Variants in SLC27A3 observed in about 807,000 individuals in gnomAD.
SLC27A3 encodes long-chain fatty acid transport protein 3.
Under a neutral mutation model 60.1 loss-of-function variants are expected in SLC27A3, and 60 were observed. That is an observed-to-expected ratio of 1.00 (90% CI 0.81 to 1.24). The LOEUF (loss-of-function observed/expected upper bound fraction) is 1.24, where lower values mean the gene tolerates loss of function less well. SLC27A3 is among the 50% of genes most tolerant of loss of function. The probability of loss-of-function intolerance (pLI) is 0.00; values close to 1 mark genes in which losing one functional copy is unlikely to be tolerated. For missense variants in SLC27A3, 1,079 were observed against 929.9 expected (o/e 1.16, Z -2.09); for synonymous variants, 455 against 409.0 (o/e 1.11, Z -1.36).
Position 153,779,399 on chromosome 1 carries a change from G to A in SLC27A3, c.1801G>A (p.Asp601Asn), listed in dbSNP as rs752284200. The A allele has an allele frequency of 2.5e-6, 4 of 1,613,814 alleles. No homozygotes were observed. The South Asian group carries it at 3.3e-5, about 13-fold the overall frequency. Residue 601 changes from aspartate to asparagine, a missense_variant, in exon 9 of 10, where the codon GAC becomes AAC. Transcript: ENST00000624995. ...AGTTCTGCGTCCCCCCCACGCTTTG[G>A]ACCTTATGCAGCTCTACACCCACGT... ...ALVLRPPHAL[D>N]LMQLYTHVSE...
Position 153,778,772 on chromosome 1 carries a change from G to A in SLC27A3, c.1533G>A (p.Lys511=). ...YAGGPELAQG[K]LLKDVFRPGD... The stretch of plus-strand genomic sequence containing the variant: ...GCGGGCCAGAGCTGGCCCAGGGGAA[G>A]TTGCTAAAGGATGTCTTCCGGCCTG... Residue 511 remains lysine (K), a synonymous_variant, in exon 7 of 10, where the codon AAG becomes AAA. Transcript: ENST00000624995. 5 of 1,614,084 alleles carry A rather than the reference G, an allele frequency of 3.1e-6. No individual in the cohort carries two copies. Among genetic ancestry groups the A allele is most frequent in the Non-Finnish European group, 4.2e-6 (5 of 1,180,014 alleles).
In SLC27A3 at chr1:153,777,166, C is replaced by T. The variant is rs747842753; in HGVS notation, c.982C>T (p.Pro328Ser). ...HQEDVIYLAL[P>S]LYHMSGSLLG... ...GGAAGATGTGATCTACCTCGCCCTCCCACTCTACCACATGTCCGGTTCCCT... is the reference window on the plus strand; with the variant it reads ...GGAAGATGTGATCTACCTCGCCCTCTCACTCTACCACATGTCCGGTTCCCT... The change falls in exon 3 of 10, where the codon CCA becomes TCA. Residue 328 changes from proline to serine, a missense_variant. Pro to Ser is a moderately conservative substitution (Grantham distance 74, BLOSUM62 -1). Coordinates refer to ENST00000624995, the MANE Select transcript of SLC27A3 (RefSeq NM_024330.4). The T allele has an allele frequency of 7.4e-6, 12 of 1,614,260 alleles. No individual in the cohort carries two copies. The highest frequency in any genetic ancestry group is 1.0e-5 in the Non-Finnish European group (12 of 1,180,044).
Position 153,776,116 on chromosome 1 carries a change from C to A in SLC27A3, c.619C>A (p.Leu207Met). 6.8e-7 allele frequency: 1 copy of A among 1,468,362 alleles called. No individual in the cohort carries two copies. The allele number at this position is 1,468,362 out of a possible 1,614,324, so 91.0% of individuals were successfully genotyped here. Residue 207 changes from leucine to methionine, a missense_variant, in exon 1 of 10, where the codon CTG (leucine) becomes ATG (methionine). Leu to Met is a conservative substitution (Grantham distance 15). Coordinates refer to ENST00000624995, the MANE Select transcript of SLC27A3 (RefSeq NM_024330.4). ...CACCGCCCTGCGCCGGGGCCCCCTG[C>A]TGCACTGCCTCCGCAGCTGCGGCGC... The part of the protein sequence containing the change: ...VPTALRRGPL[L>M]HCLRSCGARA...
chr1:153,778,066 G>A, intron 4 of SLC27A3, 95 bp from the exon 5 acceptor site: 2 of 1,500,176 alleles, frequency 1.3e-6, no homozygotes, highest in Non-Finnish European at 1.8e-6. Flanking sequence ...GGAGGTCACA[G>A]TAGGAGGGGG....
Position 153,775,521 on chromosome 1 carries a change from C to CTTGCTGCTGTTGCTACCG in SLC27A3, c.24_25insTTGCTGCTGTTGCTACCG (p.Leu13_Leu18dup), listed in dbSNP as rs751019848. On this transcript the variant is annotated inframe_insertion, in exon 1 of 10. Transcript: ENST00000624995. ...CCATGGCTGCCCTCCTGCTGCTGCC[C>CTTGCTGCTGTTGCTACCG]CTGCTGCTGTTGCTACCGCTGCTGC... 6.2e-7 allele frequency: 1 copy of CTTGCTGCTGTTGCTACCG among 1,612,534 alleles called. No homozygotes were observed. Among genetic ancestry groups the CTTGCTGCTGTTGCTACCG allele is most frequent in the Non-Finnish European group, 8.5e-7 (1 of 1,179,706 alleles).
chr1:153,778,044 A>G, intron 4 of SLC27A3, 117 bp from the exon 5 acceptor site: 1 of 1,465,848 alleles, frequency 6.8e-7, no homozygotes, highest in East Asian at 2.3e-5. Context: ...TCTGATGCTT[A>G]CGGCCTCTGA....
Position 153,775,612 on chromosome 1 carries a change from G to T in SLC27A3, c.115G>T (p.Ala39Ser). ...LPADLAFAVRALCCKRALRAR... is the reference protein window; with the variant it reads ...LPADLAFAVRSLCCKRALRAR... Reference sequence around the variant, plus strand: ...GGCGGACTTGGCCTTTGCGGTGCGAGCTCTGTGCTGCAAAAGGGCTCTTCG... The same window carrying T: ...GGCGGACTTGGCCTTTGCGGTGCGATCTCTGTGCTGCAAAAGGGCTCTTCG... The change falls in exon 1 of 10, where the codon GCT becomes TCT. Residue 39 changes from alanine (A) to serine (S), a missense_variant. Coordinates refer to ENST00000624995, the MANE Select transcript of SLC27A3 (RefSeq NM_024330.4). 1 of 1,583,920 alleles carries T rather than the reference G, an allele frequency of 6.3e-7. No homozygotes were observed.
In SLC27A3 at chr1:153,775,878, TGGAGAAGGCGAGCGGGCAGCGCC is replaced by T; in HGVS notation, c.384_406del (p.Glu129SerfsTer119). On this transcript the variant is annotated frameshift_variant, in exon 1 of 10. Transcript: ENST00000624995. LOFTEE classifies it high-confidence loss of function. ...GCGGCGACAGCGGCGAGGGGAGCGC[TGGAGAAGGCGAGCGGGCAGCGCC>T]GGGAGCCGGAGATGCAGCGGCCGGA... 1 of 1,488,982 alleles carries T rather than the reference TGGAGAAGGCGAGCGGGCAGCGCC, an allele frequency of 6.7e-7. No individual in the cohort carries two copies. The highest frequency in any genetic ancestry group is 8.9e-7 in the Non-Finnish European group (1 of 1,125,678). 92.2% of individuals were successfully genotyped at this position (1,488,982 alleles called of 1,614,324 possible).
rs1673383045 is a variant in SLC27A3, at chr1:153,778,924, ATC to A, written c.1646+43_1646+44del. 1.9e-6 allele frequency: 3 copies of A among 1,592,312 alleles called. No homozygotes were observed. The African/African-American group carries it at 4.0e-5, about 21-fold the overall frequency. Reference sequence around the variant, plus strand: ...ACTGGTTTTTCATCCTGGACATCTGATCTCTGTGATCCAAAGCTTCTGAACCT... The same window carrying A: ...ACTGGTTTTTCATCCTGGACATCTGATCTGTGATCCAAAGCTTCTGAACCT... On this transcript the variant is annotated intron_variant, in intron 7 of 9. Transcript: ENST00000624995.
At chr1:153,779,080 T>G (rs1222142797) in intron 7 of SLC27A3, 34 bp from the exon 8 acceptor site, 1 of 1,608,396 alleles carries the variant, frequency 6.2e-7, no homozygotes, top group Non-Finnish European at 8.5e-7. Flanking sequence ...CCCTGACCCC[T>G]GACTCCCAGT....
At chr1:153,778,071 AG>A in intron 4 of SLC27A3, 89 bp from the exon 5 acceptor site, 2 of 1,507,592 alleles carry the variant, frequency 1.3e-6, no homozygotes, top group East Asian at 2.3e-5. Context: ...TCACAGTAGG[AG>A]GGGGTTCTGG....
In SLC27A3 at chr1:153,777,763, G is replaced by C; in HGVS notation, c.1039G>C (p.Ala347Pro). 1.2e-6 allele frequency: 2 copies of C among 1,614,168 alleles called. No homozygotes were observed. The highest frequency in any genetic ancestry group is 1.7e-6 in the Non-Finnish European group (2 of 1,180,026). The change falls in exon 4 of 10, where the codon GCC becomes CCC. Residue 347 changes from alanine (A) to proline (P), a missense_variant and splice_region_variant. Transcript: ENST00000624995. ...LGIVGCMGIGATVVLKSKFSA... is the reference protein window; with the variant it reads ...LGIVGCMGIGPTVVLKSKFSA... ...TCCCCCCTGCCCACTTCTGGCAGGG[G>C]CCACAGTGGTGCTGAAATCCAAGTT... is the stretch of plus-strand genomic sequence containing the variant.
Position 153,777,867 on chromosome 1 carries a change from C to G in SLC27A3, c.1143C>G (p.Tyr381Ter), listed in dbSNP as rs1673313631. The change falls in exon 4 of 10, where the codon TAC (tyrosine) becomes TAG (stop). Residue 381 changes from tyrosine to a stop codon, truncating the protein, a stop_gained. Coordinates refer to ENST00000624995, the MANE Select transcript of SLC27A3 (RefSeq NM_024330.4). LOFTEE classifies it high-confidence loss of function. ...VFQYIGELCR[Y>*]LVNQPPSKAE... is the part of the protein sequence containing the mutation. Reference sequence around the variant, plus strand: ...AGTACATTGGGGAGCTGTGCCGATACCTTGTCAACCAGCCCCCGGTGCGTG... The same window carrying G: ...AGTACATTGGGGAGCTGTGCCGATAGCTTGTCAACCAGCCCCCGGTGCGTG... 1.9e-6 allele frequency: 3 copies of G among 1,614,104 alleles called. No homozygotes were observed. The highest frequency in any genetic ancestry group is 1.3e-5 in the African/African-American group (1 of 74,944).
Position 153,776,078 on chromosome 1 carries a change from C to A in SLC27A3, c.581C>A (p.Thr194Asn). 1 of 1,480,974 alleles carries A rather than the reference C, an allele frequency of 6.8e-7. No homozygotes were observed. Among genetic ancestry groups the A allele is most frequent in the Non-Finnish European group, 8.9e-7 (1 of 1,128,548 alleles). The allele number at this position is 1,480,974 out of a possible 1,614,324, so 91.7% of individuals were successfully genotyped here. Residue 194 changes from threonine (T) to asparagine (N), a missense_variant, in exon 1 of 10, where the codon ACT becomes AAT. By Grantham distance (65) the Thr-to-Asn change is moderately conservative (BLOSUM62 0). Coordinates refer to ENST00000624995, the MANE Select transcript of SLC27A3 (RefSeq NM_024330.4). Reference sequence around the variant, plus strand: ...GGGCTGGCCAAGGCCGGCCTGCGCACTGCCTTTGTGCCCACCGCCCTGCGC... The same window carrying A: ...GGGCTGGCCAAGGCCGGCCTGCGCAATGCCTTTGTGCCCACCGCCCTGCGC... ...WFGLAKAGLR[T>N]AFVPTALRRG...
Position 153,777,847 on chromosome 1 carries a change from A to G in SLC27A3, c.1123A>G (p.Ile375Val), listed in dbSNP as rs374690026. Reference sequence around the variant, plus strand: ...GCACAGGGTGACGGTGTTCCAGTACATTGGGGAGCTGTGCCGATACCTTGT... The same window carrying G: ...GCACAGGGTGACGGTGTTCCAGTACGTTGGGGAGCTGTGCCGATACCTTGT... ...QQHRVTVFQY[I>V]GELCRYLVNQ... is the part of the protein sequence containing the mutation. The change falls in exon 4 of 10, where the codon ATT (isoleucine) becomes GTT (valine). Residue 375 changes from isoleucine to valine, a missense_variant. Ile to Val is a conservative substitution (Grantham distance 29). Coordinates refer to ENST00000624995, the MANE Select transcript of SLC27A3 (RefSeq NM_024330.4). 1.9e-4 allele frequency: 307 copies of G among 1,614,084 alleles called. No individual in the cohort carries two copies. Among genetic ancestry groups the G allele is most frequent in the Non-Finnish European group, 2.5e-4 (299 of 1,180,042 alleles).
Position 153,777,081 on chromosome 1 carries a change from G to C in SLC27A3, c.897G>C (p.Arg299=). 6.2e-7 allele frequency: 1 copy of C among 1,614,206 alleles called. No individual in the cohort carries two copies. Among genetic ancestry groups the C allele is most frequent in the Non-Finnish European group, 8.5e-7 (1 of 1,180,036 alleles). ...SGTTGLPKAA[R]ISHLKILQCQ... ...CCACAGGCCTCCCCAAGGCTGCTCG[G>C]ATCAGTCATCTGAAGATCCTGCAAT... Residue 299 remains arginine (R), a synonymous_variant, in exon 3 of 10, where the codon CGG becomes CGC. Coordinates refer to ENST00000624995, the MANE Select transcript of SLC27A3 (RefSeq NM_024330.4).
rs541599071 is a variant in SLC27A3, at chr1:153,776,739, G to C, written c.877+12G>C. The C allele has an allele frequency of 1.4e-5, 23 of 1,613,750 alleles. 1 individual carries two copies. The African/African-American group carries it at 1.9e-4, about 13-fold the overall frequency. ...CTCTGGCACCACGGGTGAGGGCCGG[G>C]CACCATACTTAGCTCCCCGAAACCA... On this transcript the variant is annotated intron_variant, in intron 2 of 9. Coordinates refer to ENST00000624995, the MANE Select transcript of SLC27A3 (RefSeq NM_024330.4).
rs142223071 is a variant in SLC27A3 at position 153,778,554 on chromosome 1, G to T, written c.1447+1G>T. ...GGGCACTGTATGGCCACATCTCCAG[G>T]TTGGTGGTGTTCTGGTGGGGTGGGC... On this transcript the variant is annotated splice_donor_variant, in intron 6 of 9. Transcript: ENST00000624995. LOFTEE classifies it high-confidence loss of function. 1 of 1,613,850 alleles carries T rather than the reference G, an allele frequency of 6.2e-7. No homozygotes were observed. Among genetic ancestry groups the T allele is most frequent in the Non-Finnish European group, 8.5e-7 (1 of 1,179,844 alleles).
chr1:153,779,473 G>C lies in SLC27A3; in HGVS notation c.1875G>C (p.Gln625His), dbSNP rs147511607. The C allele has an allele frequency of 6.2e-7, 1 of 1,612,158 alleles. No homozygotes were observed. The highest frequency in any genetic ancestry group is 1.3e-5 in the African/African-American group (1 of 74,824). ...CCCGGCCCCGATTCCTCAGGCTCCA[G>C]GTAACCGGCCACTTCCCCCGCCGGC... ...PYARPRFLRL[Q>H]ESLATTETFK... The change falls in exon 9 of 10, where the codon CAG becomes CAC. Residue 625 changes from glutamine to histidine, a missense_variant and splice_region_variant. Coordinates refer to ENST00000624995, the MANE Select transcript of SLC27A3 (RefSeq NM_024330.4).
Sources: gnomAD v4.1 joint callset for allele counts on GRCh38, gnomAD v4.1.1 for gene constraint, MANE v1.5 for transcripts, NCBI Gene and HGNC (gene_info 2026-07-23, HGNC 2026-07-21) for gene names.